The following LSAMP variants were observed in gnomAD, a reference collection of about 807,000 sequenced individuals.
The protein encoded by LSAMP is limbic system associated membrane protein.
Under a neutral mutation model 38.6 loss-of-function variants are expected in LSAMP, and 7 were observed. The observed-to-expected ratio is 0.18, with a 90% CI of 0.10 to 0.34. The LOEUF (loss-of-function observed/expected upper bound fraction) is 0.34, where lower values mean the gene tolerates loss of function less well. LSAMP is among the 10% of genes least tolerant of loss of function. The pLI is 1.00. For missense variants in LSAMP, 313 were observed against 420.0 expected, an observed-to-expected ratio of 0.75 and a Z score of 2.23; for synonymous variants, 154 against 166.8, an observed-to-expected ratio of 0.92 and a Z score of 0.59.
intron 3 of LSAMP, among the ~76,000 whole-genome samples, chr3:115,987,468 A>T (rs757734217): frequency 1.4e-4 from 22 of 152,120 alleles, no homozygotes; most frequent in Admixed American, 7.9e-4. Flanking sequence ...TATTCGTTTA[A>T]CCTTGTGTTA....
intron 6 of LSAMP, among the ~76,000 whole-genome samples, chr3:115,819,473 T>G (rs1285353970): frequency 6.6e-6 from 1 of 151,994 alleles, no homozygotes; most frequent in Admixed American, 6.6e-5. Context: ...GGGCATATTT[T>G]GATCAGGGAA....
At chr3:115,812,346 T>G (rs1446965503) in intron 6 of LSAMP, among the ~76,000 whole-genome samples, 1 of 152,184 alleles carries the variant, frequency 6.6e-6, no homozygotes, top group East Asian at 1.9e-4. Context: ...GGTTCATGCA[T>G]TTCATGAGGA....
intron 3 of LSAMP, among the ~76,000 whole-genome samples, chr3:115,914,436 A>G (rs181318587): frequency 6.4e-4 from 98 of 152,250 alleles, no homozygotes; most frequent in Admixed American, 1.8e-3. Flanking sequence ...GAATCCCCCT[A>G]TCGTTGGTGT....
intron 1 of LSAMP, among the ~76,000 whole-genome samples, chr3:116,279,074 A>C (rs1447432690): frequency 6.6e-6 from 1 of 152,222 alleles, no homozygotes; most frequent in Non-Finnish European, 1.5e-5. Context: ...TGCCATTTAA[A>C]TAAAATTTGG....
chr3:116,339,388 C>A (rs1358048324), intron 1 of LSAMP, among the ~76,000 whole-genome samples: 1 of 151,316 alleles, frequency 6.6e-6, no homozygotes, highest in East Asian at 1.9e-4. Flanking sequence ...AGTAAATAAA[C>A]CAAAGCCATA....
At chr3:116,207,035 G>A (rs1005242494) in intron 1 of LSAMP, among the ~76,000 whole-genome samples, 2 of 151,592 alleles carry the variant, frequency 1.3e-5, no homozygotes, top group African/African-American at 4.9e-5. Context: ...ATGTGTGGGA[G>A]TCTAAGTCTC....
intron 3 of LSAMP, among the ~76,000 whole-genome samples, chr3:115,932,041 T>C (rs1937588276): frequency 6.6e-6 from 1 of 152,200 alleles, no homozygotes; most frequent in Admixed American, 6.5e-5. Context: ...AGACAGACAT[T>C]AATGTAAATT....
chr3:115,985,543 A>G (rs1939486419), intron 3 of LSAMP, among the ~76,000 whole-genome samples: 1 of 152,172 alleles, frequency 6.6e-6, no homozygotes, highest in African/African-American at 2.4e-5. Context: ...CCTCGTACCC[A>G]TGTTATCCTA....
At chr3:115,859,947 T>C (rs928930541) in intron 3 of LSAMP, among the ~76,000 whole-genome samples, 2 of 152,234 alleles carry the variant, frequency 1.3e-5, no homozygotes, top group Non-Finnish European at 2.9e-5. Context: ...CTAAATGTGA[T>C]GCTTGAAGTC....
intron 3 of LSAMP, among the ~76,000 whole-genome samples, chr3:115,902,744 C>A (rs1180070328): frequency 6.6e-6 from 1 of 152,058 alleles, no homozygotes; most frequent in East Asian, 1.9e-4. Context: ...TGAAAAGGAG[C>A]TCAACATCAT....
At chr3:115,885,201 G>A (rs1417170402) in intron 3 of LSAMP, among the ~76,000 whole-genome samples, 1 of 151,890 alleles carries the variant, frequency 6.6e-6, no homozygotes, top group Non-Finnish European at 1.5e-5. Context: ...TGTTCTGGGT[G>A]GGAAAAAGGC....
At chr3:116,089,029 G>T (rs1708056936) in intron 1 of LSAMP, among the ~76,000 whole-genome samples, 1 of 152,146 alleles carries the variant, frequency 6.6e-6, no homozygotes. Flanking sequence ...ACAATATAAG[G>T]TAAAGTTTAT....
rs1279037164 is a variant in LSAMP, at chr3:115,985,236, CAGTACCAA to C, written c.514+34271_514+34278del. ...TTAAATATCCTAGCTAATAAAAAATCAGTACCAAAGCGTTGCTGGAACAAAAATACAAA... is the reference window on the plus strand; with the variant it reads ...TTAAATATCCTAGCTAATAAAAAATCAGCGTTGCTGGAACAAAAATACAAA... On this transcript the variant is annotated intron_variant, in intron 3 of 6. Transcript: ENST00000490035. Among the ~76,000 whole-genome samples, 3 of 152,120 alleles carry C rather than the reference CAGTACCAA, an allele frequency of 2.0e-5. No homozygotes were observed. In the East Asian group the frequency reaches 5.8e-4, roughly 29 times the overall value.
intron 1 of LSAMP, among the ~76,000 whole-genome samples, chr3:116,367,729 G>A (rs767483345): frequency 6.6e-5 from 10 of 151,478 alleles, no homozygotes; most frequent in Non-Finnish European, 1.5e-4. Flanking sequence ...GGCTGGTCTC[G>A]AACTCCTGAC....
At chr3:116,275,588 T>A (rs2047039976) in intron 1 of LSAMP, among the ~76,000 whole-genome samples, 1 of 152,148 alleles carries the variant, frequency 6.6e-6, no homozygotes, top group Non-Finnish European at 1.5e-5. Context: ...TTTTTAAACC[T>A]CACTCTTTAG....
chr3:116,265,956 G>C (rs1466487459), intron 1 of LSAMP, among the ~76,000 whole-genome samples: 1 of 94,512 alleles, frequency 1.1e-5, no homozygotes, highest in Non-Finnish European at 3.2e-5. Flanking sequence ...AAAGTTGTGG[G>C]GTTTTTTTTT....
chr3:116,211,422 ACATGTTTCAAAGCAT>A (rs2046154709), intron 1 of LSAMP, among the ~76,000 whole-genome samples: 1 of 152,240 alleles, frequency 6.6e-6, no homozygotes, highest in Non-Finnish European at 1.5e-5. Flanking sequence ...AAAAATGTAT[ACATGTTTCAAAGCAT>A]CATGTTGTTC....
At chr3:116,007,990 A>G (rs900009249) in intron 3 of LSAMP, among the ~76,000 whole-genome samples, 4 of 152,128 alleles carry the variant, frequency 2.6e-5, no homozygotes, top group African/African-American at 9.7e-5. Context: ...ATACTCTAAG[A>G]ACCAATGTTT....
At chr3:116,005,860 C>T (rs1405826685) in intron 3 of LSAMP, among the ~76,000 whole-genome samples, 1 of 152,144 alleles carries the variant, frequency 6.6e-6, no homozygotes, top group Non-Finnish European at 1.5e-5. Context: ...GCCATTCAGA[C>T]TTTGGGGTGA....
Sources: allele counts gnomAD v4.1 joint callset (sites outside exome capture counted in the v4.1 genomes callset), GRCh38; gene constraint gnomAD v4.1.1; transcripts MANE v1.5; gene names NCBI Gene and HGNC (gene_info 2026-07-23, HGNC 2026-07-21).